The following FILIP1 variants were observed in gnomAD, a reference collection of about 807,000 sequenced individuals.
FILIP1 encodes the protein filamin A interacting protein 1.
A neutral mutation model predicts 102.1 loss-of-function variants in FILIP1; 61 were observed. The observed-to-expected ratio is 0.60, with a 90% CI of 0.49 to 0.74. The LOEUF is 0.74. Ranked by LOEUF, FILIP1 falls within the 30% of genes least tolerant of loss-of-function variation. The probability of loss-of-function intolerance (pLI) is 0.00; values close to 1 mark genes in which losing one functional copy is unlikely to be tolerated. For missense variants in FILIP1, 1,314 were observed against 1,441.2 expected (o/e 0.91, Z 1.43); for synonymous variants, 491 against 526.9 (o/e 0.93, Z 0.93).
intron 1 of FILIP1, chr6:75,454,043 G>C: frequency 4.4e-6 from 2 of 456,464 alleles, no homozygotes; most frequent in Non-Finnish European, 8.8e-6. Context: ...CAGATCAGAA[G>C]TCCAGATACA....
At chr6:75,328,737 C>T (rs1301519686) in intron 4 of FILIP1, among the ~76,000 whole-genome samples, 2 of 145,564 alleles carry the variant, frequency 1.4e-5, no homozygotes, top group Non-Finnish European at 2.9e-5. Flanking sequence ...AGCCACCCAC[C>T]TCAGCCTCCC....
At chr6:75,355,853 C>T (rs1487299031) in intron 3 of FILIP1, among the ~76,000 whole-genome samples, 3 of 152,202 alleles carry the variant, frequency 2.0e-5, no homozygotes, top group African/African-American at 4.8e-5. Context: ...CTATCCTACT[C>T]AGTATCCTAT....
At chr6:75,441,375 T>G (rs1344179780) in intron 1 of FILIP1, among the ~76,000 whole-genome samples, 3 of 152,180 alleles carry the variant, frequency 2.0e-5, no homozygotes, top group East Asian at 1.9e-4. Flanking sequence ...CTCCCATGTC[T>G]ACTTCTTTCT....
intron 1 of FILIP1, 40 bp from the exon 2 acceptor site, chr6:75,415,018 C>A: frequency 6.4e-7 from 1 of 1,559,150 alleles, no homozygotes. Flanking sequence ...TGTTCTTTAC[C>A]ACCATCAAAA....
At chr6:75,321,749 G>C (rs1043488595) in intron 4 of FILIP1, among the ~76,000 whole-genome samples, 23 of 151,848 alleles carry the variant, frequency 1.5e-4, no homozygotes, top group African/African-American at 4.8e-4. Flanking sequence ...AGCCGAGATT[G>C]CGCCACTGCA....
intron 3 of FILIP1, among the ~76,000 whole-genome samples, chr6:75,354,816 T>C (rs2951938): frequency 0.037 from 5,682 of 152,244 alleles, 375 homozygotes; most frequent in African/African-American, 0.13. Context: ...AGCATGTACA[T>C]GCACCAGACT....
At chr6:75,371,331 A>G (rs1775510235) in intron 2 of FILIP1, among the ~76,000 whole-genome samples, 1 of 152,210 alleles carries the variant, frequency 6.6e-6, no homozygotes, top group African/African-American at 2.4e-5. Flanking sequence ...CTGAATATCC[A>G]CCAAAAGAAA....
chr6:75,371,184 ATAGT>A (rs1192251012), intron 2 of FILIP1, among the ~76,000 whole-genome samples: 2 of 152,222 alleles, frequency 1.3e-5, no homozygotes, highest in African/African-American at 4.8e-5. Flanking sequence ...ACATTCAGAC[ATAGT>A]TAGGTTACAG....
intron 2 of FILIP1, among the ~76,000 whole-genome samples, chr6:75,395,024 AT>A (rs1039085987): frequency 7.9e-5 from 12 of 152,140 alleles, no homozygotes; most frequent in Non-Finnish European, 1.5e-4. Context: ...AGACTGCACT[AT>A]GTACCCAAAT....
rs189543967 is a variant in FILIP1, at chr6:75,340,834, T to G, written c.629+12705A>C. On this transcript the variant is annotated intron_variant, in intron 4 of 5. Coordinates refer to ENST00000237172, the MANE Select transcript of FILIP1 (RefSeq NM_015687.5). ...TCTCAGCCTCCCTAGTAGCTGGGAT[T>G]ATAGGCGCACACCACAATGCTCAGG... Among the ~76,000 whole-genome samples, 202 of 151,440 alleles carry G rather than the reference T, an allele frequency of 1.3e-3. 1 individual carries two copies. Among genetic ancestry groups the G allele is most frequent in the African/African-American group, 4.7e-3 (192 of 41,238 alleles).
At chr6:75,484,424 CTTTTAAAGTACTTTTAAAGTACTG>C (rs1779728398) in intron 1 of FILIP1, among the ~76,000 whole-genome samples, 1 of 150,426 alleles carries the variant, frequency 6.6e-6, no homozygotes, top group Non-Finnish European at 1.5e-5. Flanking sequence ...AAAGTACTGT[CTTTTAAAGTACTTTTAAAGTACTG>C]TCTTTTAAAG....
At chr6:75,306,237 G>T (rs774073635), downstream of FILIP1, among the ~76,000 whole-genome samples, 2 of 152,118 alleles carry the variant, frequency 1.3e-5, no homozygotes, top group Non-Finnish European at 2.9e-5. Flanking sequence ...TTTGTGGGTG[G>T]CTCTATTCCA....
rs536821004 is a variant in FILIP1, at chr6:75,327,755, T to G, written c.630-12553A>C. On this transcript the variant is annotated intron_variant, in intron 4 of 5. Transcript: ENST00000237172. ...TCCTTATTCTTTATAAATTAATAAA[T>G]GAAAACATGCTACTATTGATAAATA... is the stretch of plus-strand genomic sequence containing the variant. 2.2e-4 allele frequency among the ~76,000 whole-genome samples: 33 copies of G among 151,966 alleles called. No individual in the cohort carries two copies. The East Asian group carries it at 6.0e-3, about 28-fold the overall frequency.
chr6:75,480,633 T>C lies in FILIP1; in HGVS notation c.-7+12781A>G, dbSNP rs1443883526. 3.9e-5 allele frequency among the ~76,000 whole-genome samples: 6 copies of C among 152,204 alleles called. No homozygotes were observed. The East Asian group carries it at 9.6e-4, about 24-fold the overall frequency. On this transcript the variant is annotated intron_variant, in intron 1 of 5. Coordinates refer to ENST00000237172, the MANE Select transcript of FILIP1 (RefSeq NM_015687.5). ...GGCACTTGAAGTGGAGTGTTGAATA[T>C]ATGTAAGTAGTTTCTCAAAGTGCAC...
chr6:75,360,756 G>A (rs1775149517), intron 3 of FILIP1: 1 of 152,108 alleles, frequency 6.6e-6, no homozygotes, highest in African/African-American at 2.4e-5. Context: ...GGCCTAATAT[G>A]GTATGGAAAT....
intron 1 of FILIP1, among the ~76,000 whole-genome samples, chr6:75,488,489 A>G (rs556437702): frequency 6.7e-5 from 10 of 150,258 alleles, no homozygotes; most frequent in Non-Finnish European, 1.5e-4. Flanking sequence ...AGGTTTCTAT[A>G]TTTTTGCCCT....
chr6:75,479,459 T>G, intron 1 of FILIP1, among the ~76,000 whole-genome samples: 1 of 152,350 alleles, frequency 6.6e-6, no homozygotes, highest in Admixed American at 6.5e-5. Flanking sequence ...ATAATACATC[T>G]TCTTTTAATT....
At chr6:75,306,751 T>A (rs1485650288), downstream of FILIP1, among the ~76,000 whole-genome samples, 1 of 151,426 alleles carries the variant, frequency 6.6e-6, no homozygotes, top group East Asian at 1.9e-4. Flanking sequence ...AATTTTCTTT[T>A]TTTTCCTTTT....
intron 2 of FILIP1, among the ~76,000 whole-genome samples, chr6:75,391,682 T>G (rs1776284306): frequency 6.6e-6 from 1 of 152,186 alleles, no homozygotes; most frequent in African/African-American, 2.4e-5. Flanking sequence ...GTCTTTTACC[T>G]GTTGTTAATG....
Sources: gnomAD v4.1 joint callset for allele counts (sites outside exome capture counted in the v4.1 genomes callset) on GRCh38, gnomAD v4.1.1 for gene constraint, MANE v1.5 for transcripts, NCBI Gene and HGNC (gene_info 2026-07-23, HGNC 2026-07-21) for gene names.